Variants in FAM13A observed in about 807,000 individuals in gnomAD.
FAM13A encodes the protein protein FAM13A.
Under a neutral mutation model 129.6 loss-of-function variants are expected in FAM13A, and 76 were observed. The ratio of observed to expected loss-of-function variants is 0.59; its 90% CI spans 0.49 to 0.71. The LOEUF is 0.71. FAM13A is among the 30% of genes least tolerant of loss of function. The probability of loss-of-function intolerance (pLI) is 0.00; values close to 1 mark genes in which losing one functional copy is unlikely to be tolerated. For missense variants in FAM13A, 1,108 were observed against 1,249.3 expected (o/e 0.89, Z 1.70); for synonymous variants, 443 against 449.9 (o/e 0.98, Z 0.20).
intron 7 of FAM13A, among the ~76,000 whole-genome samples, chr4:88,834,985 A>T (rs941214607): frequency 1.3e-5 from 2 of 151,234 alleles, no homozygotes; most frequent in African/African-American, 4.9e-5. Context: ...AATTTTACTT[A>T]TTTTGGTCTT....
intron 6 of FAM13A, among the ~76,000 whole-genome samples, chr4:88,880,720 C>T (rs975933684): frequency 6.9e-6 from 1 of 145,444 alleles, no homozygotes; most frequent in African/African-American, 2.6e-5. Context: ...GGCAAATTCT[C>T]AGCCCTGTTT....
Position 88,747,646 on chromosome 4 carries a change from G to A in FAM13A, c.2367C>T (p.Arg789=), listed in dbSNP as rs755154899. ...KLQEKRAESS[R]PEDIKDMTKD... is the part of the protein sequence containing the mutation. Reference sequence around the variant, plus strand: ...ATGATCGCACCTTAATGTCCTCAGGGCGGCTGCTTTCCGCTCGCTTCTCCT... The same window carrying A: ...ATGATCGCACCTTAATGTCCTCAGGACGGCTGCTTTCCGCTCGCTTCTCCT... The change falls in exon 18 of 24, where the codon CGC becomes CGT. Residue 789 remains arginine (R), a synonymous_variant. Transcript: ENST00000264344. 6.2e-7 allele frequency: 1 copy of A among 1,614,120 alleles called. No homozygotes were observed. Among genetic ancestry groups the A allele is most frequent in the Non-Finnish European group, 8.5e-7 (1 of 1,179,966 alleles).
At chr4:88,876,333 C>G (rs1172690743) in intron 6 of FAM13A, among the ~76,000 whole-genome samples, 1 of 150,438 alleles carries the variant, frequency 6.6e-6, no homozygotes, top group Non-Finnish European at 1.5e-5. Context: ...AGCTTAAAAG[C>G]AAAAAGAAAA....
At position 89,016,189 on chromosome 4, in the gene FAM13A, A is replaced by T. The variant is rs557239740; in HGVS notation, c.427+4271T>A. 1.3e-4 allele frequency among the ~76,000 whole-genome samples: 13 copies of T among 97,246 alleles called. No homozygotes were observed. The South Asian group carries it at 2.8e-3, about 21-fold the overall frequency. The allele number at this position is 97,246 out of a possible 152,430, so 63.8% of individuals were successfully genotyped here. On this transcript the variant is annotated intron_variant, in intron 3 of 23. Transcript: ENST00000264344. The stretch of plus-strand genomic sequence containing the variant: ...CACATCTGTGCTTATGCCTTAGTTT[A>T]AAAAAAAAAAAACACAATTTTACAA...
chr4:88,817,760 C>T (rs187482449), intron 7 of FAM13A, among the ~76,000 whole-genome samples: 48 of 152,238 alleles, frequency 3.2e-4, no homozygotes, highest in African/African-American at 1.1e-3. Flanking sequence ...AACAGTACTT[C>T]CTGCAAACCA....
At chr4:89,019,011 G>C (rs1766891910) in intron 3 of FAM13A, among the ~76,000 whole-genome samples, 1 of 152,218 alleles carries the variant, frequency 6.6e-6, no homozygotes, top group African/African-American at 2.4e-5. Context: ...GGGAGGCCAG[G>C]GGCTGCAGAG....
At position 89,020,687 on chromosome 4, in the gene FAM13A, G is replaced by A; in HGVS notation, c.218-18C>T. ...GGTAAGTCCTGGAAGAGCAAAGTAGGCACAGAAAATAAATAGGTTTCTCAC... is the reference window on the plus strand; with the variant it reads ...GGTAAGTCCTGGAAGAGCAAAGTAGACACAGAAAATAAATAGGTTTCTCAC... On this transcript the variant is annotated intron_variant, in intron 2 of 23. Transcript: ENST00000264344. 1 of 1,563,572 alleles carries A rather than the reference G, an allele frequency of 6.4e-7. No individual in the cohort carries two copies.
intron 19 of FAM13A, 95 bp downstream of exon 19, chr4:88,746,837 A>G (rs1560874124): frequency 1.7e-5 from 14 of 817,886 alleles, no homozygotes; most frequent in Non-Finnish European, 2.3e-5. Flanking sequence ...GCAAGCAAAC[A>G]TTAGGGAACC....
At position 88,732,080 on chromosome 4, in the gene FAM13A, A is replaced by C. The variant is rs780102107; in HGVS notation, c.2765T>G (p.Phe922Cys). 3 of 1,614,100 alleles carry C rather than the reference A, an allele frequency of 1.9e-6. No homozygotes were observed. In the Admixed American group the frequency reaches 5.0e-5, roughly 27 times the overall value. Residue 922 changes from phenylalanine to cysteine, a missense_variant, in exon 22 of 24, where the codon TTT becomes TGT. This residue lies in a region of FAM13A where 529 missense variants were observed against 621.2 expected (regional missense o/e 0.85). Coordinates refer to ENST00000264344, the MANE Select transcript of FAM13A (RefSeq NM_014883.4). ...TATTTTATCATCCATTGGGGAAATA[A>C]ATCCATCAGCGTCATCTTCGAATTG... ...LDQFEDDADG[F>C]ISPMDDKIPS...
chr4:88,734,508 T>A (rs1738560722), intron 21 of FAM13A, among the ~76,000 whole-genome samples: 1 of 152,122 alleles, frequency 6.6e-6, no homozygotes, highest in South Asian at 2.1e-4. Context: ...TTCAAGGCCC[T>A]ATAATTAGGA....
intron 5 of FAM13A, 104 bp downstream of exon 5, chr4:88,937,984 A>C: frequency 1.2e-6 from 1 of 802,950 alleles, no homozygotes; most frequent in South Asian, 1.6e-5. Context: ...CAGGAATAAT[A>C]ATCTGAGGGT....
chr4:88,850,120 T>C (rs1214743526), intron 7 of FAM13A, among the ~76,000 whole-genome samples: 1 of 152,160 alleles, frequency 6.6e-6, no homozygotes, highest in Non-Finnish European at 1.5e-5. Flanking sequence ...GGAGTATTTT[T>C]ATTTTAAAAA....
intron 7 of FAM13A, among the ~76,000 whole-genome samples, chr4:88,833,668 C>G (rs1734298339): frequency 1.3e-5 from 2 of 151,916 alleles, no homozygotes; most frequent in South Asian, 4.1e-4. Flanking sequence ...GGTGGATCAC[C>G]TGAGGTCAGG....
chr4:88,824,290 G>A (rs1275088410), intron 7 of FAM13A, among the ~76,000 whole-genome samples: 2 of 152,194 alleles, frequency 1.3e-5, no homozygotes, highest in Non-Finnish European at 2.9e-5. Context: ...GTGAGGGCTT[G>A]TAGGCATGAG....
intron 6 of FAM13A, among the ~76,000 whole-genome samples, chr4:88,892,880 ATTTAT>A (rs1196408297): frequency 1.3e-5 from 2 of 151,122 alleles, no homozygotes; most frequent in African/African-American, 4.8e-5. Context: ...TACAATATTG[ATTTAT>A]TTGATCATAT....
intron 8 of FAM13A, among the ~76,000 whole-genome samples, chr4:88,803,209 G>C (rs1189442023): frequency 6.6e-6 from 1 of 152,088 alleles, no homozygotes; most frequent in African/African-American, 2.4e-5. Context: ...TTGCATTTGT[G>C]AAATAGTTCT....
At chr4:88,851,282 A>G in intron 6 of FAM13A, 99 bp from the exon 7 acceptor site, 1 of 1,138,790 alleles carries the variant, frequency 8.8e-7, no homozygotes, top group South Asian at 1.7e-5. Context: ...CAATTTTGCA[A>G]TAATCCAATT....
chr4:88,877,532 A>C, intron 6 of FAM13A, among the ~76,000 whole-genome samples: 1 of 152,234 alleles, frequency 6.6e-6, no homozygotes, highest in East Asian at 1.9e-4. Context: ...ATTTGAATAT[A>C]TCTTTCTTAA....
chr4:88,729,899 G>C (rs1737282218), intron 23 of FAM13A: 1 of 152,096 alleles, frequency 6.6e-6, no homozygotes, highest in Admixed American at 6.5e-5. Context: ...ATTCTGACTT[G>C]TCTTTGGTTA....
Sources: allele counts gnomAD v4.1 joint callset (sites outside exome capture counted in the v4.1 genomes callset), GRCh38; gene constraint gnomAD v4.1.1; regional missense constraint gnomAD v4.1.1; transcripts MANE v1.5; gene names NCBI Gene and HGNC (gene_info 2026-07-23, HGNC 2026-07-21).